Variants in SCN4A observed in about 807,000 individuals in gnomAD.
SCN4A encodes the protein sodium channel protein type 4 subunit alpha.
SCN4A carries 83 observed loss-of-function variants against 162.0 expected under a neutral mutation model. The ratio of observed to expected loss-of-function variants is 0.51; its 90% CI spans 0.43 to 0.61. The LOEUF (loss-of-function observed/expected upper bound fraction) is 0.61. Ranked by LOEUF, SCN4A falls within the 20% of genes least tolerant of loss-of-function variation. The probability of loss-of-function intolerance (pLI) is 0.00; values close to 1 mark genes in which losing one functional copy is unlikely to be tolerated. For synonymous variants in SCN4A, 944 were observed against 985.1 expected (o/e 0.96, Z 0.78); for missense variants, 2,196 against 2,462.5 (o/e 0.89, Z 2.29).
Position 63,961,280 on chromosome 17 carries a change from G to C in SCN4A, c.1758C>G (p.Ile586Met), listed in dbSNP as rs200779848. 13 of 1,613,296 alleles carry C rather than the reference G, an allele frequency of 8.1e-6. No homozygotes were observed. In the Admixed American group the frequency reaches 1.7e-4, roughly 21 times the overall value. ...TGAAGAGGGTGTTGAGCACGATGCAGATGGTGATGCCCAGGTCCACGAACG... is the reference window on the plus strand; with the variant it reads ...TGAAGAGGGTGTTGAGCACGATGCACATGGTGATGCCCAGGTCCACGAACG... ...MDPFVDLGIT[I>M]CIVLNTLFMA... The change falls in exon 11 of 24, where the codon ATC becomes ATG. Residue 586 changes from isoleucine (I) to methionine (M), a missense_variant. Ile to Met is a conservative substitution (Grantham distance 10). Coordinates refer to ENST00000435607, the MANE Select transcript of SCN4A (RefSeq NM_000334.4).
intron 22 of SCN4A, 60 bp from the exon 23 acceptor site, chr17:63,943,156 T>C: frequency 6.4e-7 from 1 of 1,564,984 alleles, no homozygotes; most frequent in South Asian, 1.2e-5. Context: ...AGACAGGACA[T>C]GGACAGGCAG....
chr17:63,962,845 C>T (rs1230852011), intron 10 of SCN4A, among the ~76,000 whole-genome samples: 6 of 152,174 alleles, frequency 3.9e-5, no homozygotes, highest in African/African-American at 1.2e-4. Flanking sequence ...CCCAGCATTC[C>T]CTGGGTACCC....
At chr17:63,946,528 G>A (rs1908730986) in intron 18 of SCN4A, among the ~76,000 whole-genome samples, 1 of 147,986 alleles carries the variant, frequency 6.8e-6, no homozygotes, top group African/African-American at 2.6e-5. Flanking sequence ...GGCCTGAGTG[G>A]ATCTTCCCCA....
chr17:63,956,656 C>A (rs1909079382), intron 13 of SCN4A, among the ~76,000 whole-genome samples: 1 of 152,260 alleles, frequency 6.6e-6, no homozygotes, highest in Non-Finnish European at 1.5e-5. Flanking sequence ...ATGGCATCAT[C>A]TTTGCAGTGA....
In SCN4A at chr17:63,939,914, A is replaced by T. The variant is rs1021363935; in HGVS notation, c.*857T>A. 6.6e-6 allele frequency: 1 copy of T among 152,178 alleles called. No individual in the cohort carries two copies. The highest frequency in any genetic ancestry group is 2.4e-5 in the African/African-American group (1 of 41,404). The allele number at this position is 152,178 out of a possible 1,614,324, so 9.4% of individuals were successfully genotyped here. A position where few individuals can be genotyped will look rare whatever the true frequency, so the allele number is the denominator to read the frequency against. ...GGCGAGAATCTTCTTACTGAGCAGC[A>T]GGTCCCTGACTCCCGCTCAGGTCTG... On this transcript the variant is annotated 3_prime_UTR_variant, in exon 24 of 24. Coordinates refer to ENST00000435607, the MANE Select transcript of SCN4A (RefSeq NM_000334.4).
At chr17:63,959,494 A>C in intron 11 of SCN4A, 56 bp from the exon 12 acceptor site, 1 of 1,546,172 alleles carries the variant, frequency 6.5e-7, no homozygotes, top group Non-Finnish European at 8.8e-7. Flanking sequence ...GGGCCCTGGA[A>C]GTCTCCCACC....
In SCN4A at chr17:63,945,235, C is replaced by G; in HGVS notation, c.3720+125G>C. 1 of 1,013,254 alleles carries G rather than the reference C, an allele frequency of 9.9e-7. No homozygotes were observed. The allele number at this position is 1,013,254 out of a possible 1,614,324, so 62.8% of individuals were successfully genotyped here. The stretch of plus-strand genomic sequence containing the variant: ...GTCTAGACACTGCCTGGGGATCCCA[C>G]AGCATTGGAAGCAGGGTGGGCGGTC... On this transcript the variant is annotated intron_variant, in intron 19 of 23. Transcript: ENST00000435607. This position sits in a 1 kb window ranked among gnomAD's most constrained non-coding sequence, Gnocchi z 4.4.
chr17:63,958,859 G>A (rs1909156114), intron 12 of SCN4A, among the ~76,000 whole-genome samples: 2 of 152,194 alleles, frequency 1.3e-5, no homozygotes, highest in Non-Finnish European at 2.9e-5. Context: ...AGCTGATAAA[G>A]TTTTAAAAAG....
intron 13 of SCN4A, among the ~76,000 whole-genome samples, chr17:63,956,715 C>T (rs1217011040): frequency 2.0e-5 from 3 of 152,232 alleles, no homozygotes; most frequent in Non-Finnish European, 4.4e-5. Flanking sequence ...TTAGAGAACC[C>T]AGCTTGACTA....
chr17:63,965,001 CTAG>C (rs1909393569), intron 8 of SCN4A, among the ~76,000 whole-genome samples: 1 of 152,168 alleles, frequency 6.6e-6, no homozygotes, highest in East Asian at 1.9e-4. Flanking sequence ...TGCCTGGCAC[CTAG>C]TAAGAACTCA....
At chr17:63,962,752 C>T (rs1909306787) in intron 10 of SCN4A, among the ~76,000 whole-genome samples, 1 of 152,110 alleles carries the variant, frequency 6.6e-6, no homozygotes, top group Admixed American at 6.5e-5. Flanking sequence ...CTACCCTGTG[C>T]TTCTGCAGGT....
At chr17:63,953,698 AG>A (rs1908986894) in intron 13 of SCN4A, among the ~76,000 whole-genome samples, 1 of 151,618 alleles carries the variant, frequency 6.6e-6, no homozygotes, top group Non-Finnish European at 1.5e-5. Context: ...AAAAAAAAAA[AG>A]AAAAAGAAAA....
Position 63,950,659 on chromosome 17 carries a change from T to C in SCN4A, c.2853+765A>G, listed in dbSNP as rs7218747. 0.09 allele frequency among the ~76,000 whole-genome samples: 13,770 copies of C among 152,264 alleles called. 1,579 individuals carry two copies. The highest frequency in any genetic ancestry group is 0.27 in the African/African-American group (11,141 of 41,518). ...ATGGTGCAGGGGTGGGCAGGGGCCC[T>C]CGTCCTAGCTCCTGTATGAGTCCTT... On this transcript the variant is annotated intron_variant, in intron 14 of 23. Transcript: ENST00000435607. This position sits in a 1 kb window ranked among gnomAD's most constrained non-coding sequence, Gnocchi z 4.6.
chr17:63,947,046 C>G lies in SCN4A; in HGVS notation c.3440G>C (p.Arg1147Thr), dbSNP rs1908747679. 1.6e-5 allele frequency: 25 copies of G among 1,612,206 alleles called. No individual in the cohort carries two copies. Among genetic ancestry groups the G allele is most frequent in the Non-Finnish European group, 2.1e-5 (25 of 1,179,304 alleles). The change falls in exon 18 of 24, where the codon AGG (arginine) becomes ACG (threonine). Residue 1147 changes from arginine to threonine, a missense_variant and splice_region_variant. Transcript: ENST00000435607. ...LRALSRFEGM[R>T]VVVNALLGAI... is the part of the protein sequence containing the mutation. ...CCCAGAGGCCCCTTCAGCACCCACCCTCATGCCCTCGAATCGGGACAGTGC... is the reference window on the plus strand; with the variant it reads ...CCCAGAGGCCCCTTCAGCACCCACCGTCATGCCCTCGAATCGGGACAGTGC...
Position 63,940,627 on chromosome 17 carries a change from C to T in SCN4A, c.*144G>A. 1 of 1,020,148 alleles carries T rather than the reference C, an allele frequency of 9.8e-7. No individual in the cohort carries two copies. Among genetic ancestry groups the T allele is most frequent in the Non-Finnish European group, 1.4e-6 (1 of 726,976 alleles). 63.2% of individuals were successfully genotyped at this position (1,020,148 alleles called of 1,614,324 possible). A position where few individuals can be genotyped will look rare whatever the true frequency, so the allele number is the denominator to read the frequency against. ...AGGCGCTCGGGCCTGGGTGTCAGCC[C>T]CAGTGTGGCCAAATCCTGTCCCCCA... On this transcript the variant is annotated 3_prime_UTR_variant, in exon 24 of 24. Transcript: ENST00000435607.
At chr17:63,967,970 AC>A (rs1196657065) in intron 6 of SCN4A, 52 bp downstream of exon 6, 1 of 1,414,472 alleles carries the variant, frequency 7.1e-7, no homozygotes, top group Non-Finnish European at 9.9e-7. Flanking sequence ...GTCAGAGGCT[AC>A]CCTAGGGACT....
intron 18 of SCN4A, 97 bp downstream of exon 18, chr17:63,946,947 TG>T: frequency 8.4e-7 from 1 of 1,197,456 alleles, no homozygotes; most frequent in Non-Finnish European, 1.2e-6. Context: ...TGCTTCCCTC[TG>T]GTGGTGGTTG....
In SCN4A at chr17:63,972,559, A is replaced by T. The variant is rs746947718; in HGVS notation, c.273+10T>A. ...GCAGACAGACAGAGGAAGCCTTCCC[A>T]GGCCCAGACCTTCTTATTGCTGTAG... On this transcript the variant is annotated intron_variant, in intron 1 of 23. Coordinates refer to ENST00000435607, the MANE Select transcript of SCN4A (RefSeq NM_000334.4). This position sits in a 1 kb window ranked among gnomAD's most constrained non-coding sequence, Gnocchi z 4.3. The T allele has an allele frequency of 1.0e-5, 16 of 1,592,872 alleles. No individual in the cohort carries two copies. Among genetic ancestry groups the T allele is most frequent in the Non-Finnish European group, 3.4e-6 (4 of 1,169,494 alleles).
chr17:63,971,629 T>G, intron 4 of SCN4A, 93 bp downstream of exon 4: 1 of 1,193,764 alleles, frequency 8.4e-7, no homozygotes, highest in South Asian at 1.4e-5. Flanking sequence ...CGATGTCCCC[T>G]GCAGCCCTCA....
Sources: allele counts gnomAD v4.1 joint callset (sites outside exome capture counted in the v4.1 genomes callset), GRCh38; gene constraint gnomAD v4.1.1; non-coding constraint Gnocchi (gnomAD v3.1); transcripts MANE v1.5; gene names NCBI Gene and HGNC (gene_info 2026-07-23, HGNC 2026-07-21).